BANK1: variants seen among roughly 807,000 people sequenced by gnomAD.
BANK1 encodes B-cell scaffold protein with ankyrin repeats.
Under a neutral mutation model 94.5 loss-of-function variants are expected in BANK1, and 95 were observed. The observed-to-expected ratio is 1.00, with a 90% CI of 0.85 to 1.19. The LOEUF is 1.19. Ranked by LOEUF, BANK1 falls within the 50% of genes most tolerant of loss-of-function variation. The probability of loss-of-function intolerance (pLI) is 0.00; values close to 1 mark genes in which losing one functional copy is unlikely to be tolerated. For synonymous variants in BANK1, 334 were observed against 308.4 expected, an observed-to-expected ratio of 1.08 and a Z score of -0.87; for missense variants, 987 against 932.2, an observed-to-expected ratio of 1.06 and a Z score of -0.77.
intron 9 of BANK1, among the ~76,000 whole-genome samples, chr4:102,028,455 C>T (rs1023576721): frequency 1.3e-5 from 2 of 152,126 alleles, no homozygotes; most frequent in African/African-American, 4.8e-5. Flanking sequence ...CTTAATCTCG[C>T]CTCATAATCT....
intron 7 of BANK1, among the ~76,000 whole-genome samples, chr4:101,921,006 G>A (rs1304295293): frequency 6.6e-6 from 1 of 151,602 alleles, no homozygotes; most frequent in Non-Finnish European, 1.5e-5. Context: ...GAAGAAGGGG[G>A]CCTGAAATCA....
intron 14 of BANK1, 134 bp downstream of exon 14, chr4:102,071,438 C>A (rs1728757849): frequency 2.9e-5 from 24 of 832,668 alleles, no homozygotes; most frequent in Admixed American, 1.4e-4. Context: ...TATTTATATG[C>A]AAAACAACTT....
intron 11 of BANK1, among the ~76,000 whole-genome samples, chr4:102,045,529 A>T (rs1172067886): frequency 6.6e-6 from 1 of 152,114 alleles, no homozygotes; most frequent in African/African-American, 2.4e-5. Flanking sequence ...ACATGATTGT[A>T]TATCTAGAAA....
intron 4 of BANK1, among the ~76,000 whole-genome samples, chr4:101,864,315 T>G (rs1727988334): frequency 6.6e-6 from 1 of 152,244 alleles, no homozygotes. Context: ...CCTTATTTTC[T>G]CTGCTTCATG....
At chr4:101,946,228 G>A (rs1337910286) in intron 7 of BANK1, among the ~76,000 whole-genome samples, 1 of 151,906 alleles carries the variant, frequency 6.6e-6, no homozygotes, top group Non-Finnish European at 1.5e-5. Context: ...GTTATGCGAT[G>A]AGATAATATT....
chr4:102,055,946 G>C (rs1294492904), intron 11 of BANK1, among the ~76,000 whole-genome samples: 1 of 151,494 alleles, frequency 6.6e-6, no homozygotes, highest in Admixed American at 6.6e-5. Flanking sequence ...GTAATCACTT[G>C]GGAAAAAAAA....
chr4:101,978,296 T>A (rs1404943309), intron 7 of BANK1, among the ~76,000 whole-genome samples: 1 of 152,082 alleles, frequency 6.6e-6, no homozygotes, highest in Non-Finnish European at 1.5e-5. Context: ...CTCAACCTGA[T>A]CATTTTATAA....
At chr4:101,791,808 G>C (rs112673197) in intron 1 of BANK1, among the ~76,000 whole-genome samples, 3 of 152,124 alleles carry the variant, frequency 2.0e-5, no homozygotes, top group African/African-American at 4.8e-5. Flanking sequence ...CTGTTGGCTA[G>C]TGCATTTTTA....
At position 101,790,800 on chromosome 4, in the gene BANK1, C is replaced by A. The variant is rs567697718; in HGVS notation, c.-81C>A. On this transcript the variant is annotated 5_prime_UTR_variant, in exon 1 of 17. Transcript: ENST00000322953. ...GCCGAGGGCCAAAGGAAGAGAAAAT[C>A]GCGGGGAGTCTCTGGCCGGGAGAGT... is the stretch of plus-strand genomic sequence containing the variant. The A allele has an allele frequency of 4.3e-6, 6 of 1,401,118 alleles. No individual in the cohort carries two copies. The highest frequency in any genetic ancestry group is 5.9e-6 in the Non-Finnish European group (6 of 1,025,250). The allele number at this position is 1,401,118 out of a possible 1,614,324, so 86.8% of individuals were successfully genotyped here. A position where few individuals can be genotyped will look rare whatever the true frequency, so the allele number is the denominator to read the frequency against.
Position 101,855,159 on chromosome 4 carries a change from A to T in BANK1, c.594A>T (p.Ala198=). 1 of 1,613,480 alleles carries T rather than the reference A, an allele frequency of 6.2e-7. No homozygotes were observed. Among genetic ancestry groups the T allele is most frequent in the South Asian group, 1.1e-5 (1 of 91,024 alleles). The change falls in exon 3 of 17, where the codon GCA becomes GCT. Residue 198 remains alanine (A), a synonymous_variant. Coordinates refer to ENST00000322953, the MANE Select transcript of BANK1 (RefSeq NM_017935.5). The part of the protein sequence containing the change: ...SEASRNTIPL[A]VVLPTEIPCE... ...CTTCAAGAAACACCATACCACTAGCAGTGGTGCTTCCCACTGAAATTCCAT... is the reference window on the plus strand; with the variant it reads ...CTTCAAGAAACACCATACCACTAGCTGTGGTGCTTCCCACTGAAATTCCAT...
At chr4:102,064,481 G>A (rs1034080672) in intron 13 of BANK1, among the ~76,000 whole-genome samples, 8 of 152,010 alleles carry the variant, frequency 5.3e-5, no homozygotes, top group Non-Finnish European at 1.2e-4. Context: ...TCTATGAGGT[G>A]GGCAATATTT....
intron 7 of BANK1, among the ~76,000 whole-genome samples, chr4:102,004,485 A>G (rs1393683651): frequency 6.6e-6 from 1 of 152,042 alleles, no homozygotes; most frequent in Non-Finnish European, 1.5e-5. Context: ...CATTTTATTT[A>G]TTTTTTCATC....
chr4:101,947,926 A>G (rs531273523), intron 7 of BANK1, among the ~76,000 whole-genome samples: 2 of 152,168 alleles, frequency 1.3e-5, no homozygotes, highest in African/African-American at 2.4e-5. Flanking sequence ...TAAATTTACA[A>G]CTACTATATT....
intron 11 of BANK1, among the ~76,000 whole-genome samples, chr4:102,050,188 G>C (rs1374525182): frequency 6.6e-6 from 1 of 152,052 alleles, no homozygotes; most frequent in African/African-American, 2.4e-5. Flanking sequence ...TCTAAAACTT[G>C]CCTTGCTCTC....
At chr4:101,959,319 T>C (rs1404999590) in intron 7 of BANK1, among the ~76,000 whole-genome samples, 1 of 152,034 alleles carries the variant, frequency 6.6e-6, no homozygotes, top group Non-Finnish European at 1.5e-5. Context: ...TTTGTATTTT[T>C]AGTAGAGAAG....
chr4:101,829,903 G>A lies in BANK1; in HGVS notation c.166G>A (p.Ala56Thr). 1.2e-6 allele frequency: 2 copies of A among 1,613,814 alleles called. No homozygotes were observed. Among genetic ancestry groups the A allele is most frequent in the East Asian group, 2.2e-5 (1 of 44,826 alleles). ...ATTTTTACATGTTGTGAAAAGGGAA[G>A]CCATCCTGTTATATCGCTTGGAGAA... ...EVFLHVVKREAILLYRLENFS... is the reference protein window; with the variant it reads ...EVFLHVVKRETILLYRLENFS... The change falls in exon 2 of 17, where the codon GCC becomes ACC. Residue 56 changes from alanine (A) to threonine (T), a missense_variant. Physicochemically the swap from Ala to Thr is moderately conservative, Grantham distance 58. Transcript: ENST00000322953.
chr4:102,012,402 T>TC (rs35935193), intron 7 of BANK1, among the ~76,000 whole-genome samples: 137,174 of 152,164 alleles, frequency 0.9, 62,137 homozygotes, highest in African/African-American at 0.98. Flanking sequence ...CAATAAAAAA[T>TC]AACTCTCTTA....
At position 102,043,885 on chromosome 4, in the gene BANK1, C is replaced by T; in HGVS notation, c.1947C>T (p.Phe649=). The T allele has an allele frequency of 1.2e-6, 2 of 1,601,944 alleles. No individual in the cohort carries two copies. Among genetic ancestry groups the T allele is most frequent in the Non-Finnish European group, 1.7e-6 (2 of 1,170,432 alleles). The change falls in exon 11 of 17, where the codon TTC becomes TTT. Residue 649 remains phenylalanine (F), a synonymous_variant. Coordinates refer to ENST00000322953, the MANE Select transcript of BANK1 (RefSeq NM_017935.5). ...GAAGACAATCTGATGATGACAAGTT[C>T]TGTGGTCTTCCTAAGAAACAAGGTA... ...TARRQSDDDK[F]CGLPKKQDRA...
chr4:102,018,820 C>CTT (rs1199831397), intron 7 of BANK1, among the ~76,000 whole-genome samples: 25 of 140,548 alleles, frequency 1.8e-4, no homozygotes, highest in African/African-American at 4.4e-4. Flanking sequence ...TCTTTCTTTC[C>CTT]TTTTTTTTTT....
Sources: allele counts gnomAD v4.1 joint callset (sites outside exome capture counted in the v4.1 genomes callset), GRCh38; gene constraint gnomAD v4.1.1; transcripts MANE v1.5; gene names NCBI Gene and HGNC (gene_info 2026-07-23, HGNC 2026-07-21).